PTH2R: variants seen among roughly 807,000 people sequenced by gnomAD.
PTH2R encodes parathyroid hormone 2 receptor, also known as PTH2 receptor.
A neutral mutation model predicts 60.3 loss-of-function variants in PTH2R; 59 were observed. The ratio of observed to expected loss-of-function variants is 0.98; its 90% CI spans 0.79 to 1.22. The LOEUF (loss-of-function observed/expected upper bound fraction) is 1.22, where lower values mean the gene tolerates loss of function less well. Among genes scored for constraint, PTH2R ranks in the 50% most tolerant of loss-of-function variants. The probability of loss-of-function intolerance (pLI) is 0.00; values close to 1 mark genes in which losing one functional copy is unlikely to be tolerated. For missense variants in PTH2R, 749 were observed against 682.6 expected, an observed-to-expected ratio of 1.10 and a Z score of -1.08; for synonymous variants, 256 against 243.8, an observed-to-expected ratio of 1.05 and a Z score of -0.47.
At chr2:208,388,718 T>C (rs1451135716) in intron 1 of PTH2R, among the ~76,000 whole-genome samples, 2 of 152,150 alleles carry the variant, frequency 1.3e-5, no homozygotes, top group African/African-American at 4.8e-5. Context: ...GGGAAATAAA[T>C]ACAACTTTAG....
chr2:208,477,658 ATT>A (rs1703036895), intron 9 of PTH2R, among the ~76,000 whole-genome samples: 1 of 152,016 alleles, frequency 6.6e-6, no homozygotes, highest in South Asian at 2.1e-4. Context: ...TATTTGCATT[ATT>A]TTAAAACCAT....
At chr2:208,418,318 A>G (rs1701683222) in intron 1 of PTH2R, among the ~76,000 whole-genome samples, 3 of 152,138 alleles carry the variant, frequency 2.0e-5, no homozygotes, top group African/African-American at 7.2e-5. Context: ...AGGAGCCTAT[A>G]TAAGTTGTGA....
chr2:208,476,386 C>G (rs1474221505), intron 9 of PTH2R, among the ~76,000 whole-genome samples: 1 of 152,128 alleles, frequency 6.6e-6, no homozygotes, highest in African/African-American at 2.4e-5. Flanking sequence ...CTTTTCTTTT[C>G]TAAGTCAGTT....
At chr2:208,410,612 ATG>A (rs1701520465) in intron 1 of PTH2R, among the ~76,000 whole-genome samples, 1 of 152,248 alleles carries the variant, frequency 6.6e-6, no homozygotes, top group South Asian at 2.1e-4. Flanking sequence ...AATGGCTTAA[ATG>A]TGCACAAATC....
chr2:208,472,877 G>A (rs1421570299), intron 9 of PTH2R, among the ~76,000 whole-genome samples: 1 of 119,702 alleles, frequency 8.4e-6, no homozygotes, highest in Non-Finnish European at 2.0e-5. Flanking sequence ...TCCCAGTTTG[G>A]GTTCAAGAAA....
At chr2:208,452,991 G>T (rs909008543) in intron 8 of PTH2R, among the ~76,000 whole-genome samples, 1 of 152,142 alleles carries the variant, frequency 6.6e-6, no homozygotes, top group East Asian at 1.9e-4. Flanking sequence ...GTTGAAGAGG[G>T]ATTCTTTCTA....
chr2:208,460,554 C>T (rs1315176514), intron 9 of PTH2R, among the ~76,000 whole-genome samples: 1 of 151,966 alleles, frequency 6.6e-6, no homozygotes, highest in African/African-American at 2.4e-5. Context: ...GGAGAAAGAC[C>T]ACAATGCATG....
upstream of PTH2R, chr2:208,406,772 C>A (rs112552177): frequency 2.1e-4 from 70 of 328,460 alleles, no homozygotes; most frequent in East Asian, 3.1e-3. Flanking sequence ...GCAGGCGGCG[C>A]GGGGCTGCGA....
chr2:208,435,005 G>A (rs145197658), intron 2 of PTH2R, among the ~76,000 whole-genome samples: 1,671 of 152,254 alleles, frequency 0.011, 12 homozygotes, highest in South Asian at 0.023. Context: ...AAATGTTTTT[G>A]GAAAGACATT....
chr2:208,484,115 A>G (rs1333715804), intron 10 of PTH2R, among the ~76,000 whole-genome samples: 1 of 152,260 alleles, frequency 6.6e-6, no homozygotes, highest in African/African-American at 2.4e-5. Flanking sequence ...CTAAAATAAA[A>G]CAATACAAAA....
In PTH2R at chr2:208,407,082, G is replaced by A; in HGVS notation, c.39G>A (p.Trp13Ter). 1 of 1,396,996 alleles carries A rather than the reference G, an allele frequency of 7.2e-7. No individual in the cohort carries two copies. Among genetic ancestry groups the A allele is most frequent in the South Asian group, 1.8e-5 (1 of 54,120 alleles). 86.5% of individuals were successfully genotyped at this position (1,396,996 alleles called of 1,614,324 possible). The change falls in exon 1 of 13, where the codon TGG (tryptophan) becomes TGA (stop). Residue 13 changes from tryptophan (W) to a stop codon, truncating the protein, a stop_gained. Coordinates refer to ENST00000272847, the MANE Select transcript of PTH2R (RefSeq NM_005048.4). LOFTEE classifies it high-confidence loss of function. ...GGGCGTCGCTCCACGTCTGGGGTTG[G>A]CTAATGCTCGGCAGCTGCCTCCTGG... is the stretch of plus-strand genomic sequence containing the variant. ...GLGASLHVWG[W>*]LMLGSCLLAR...
chr2:208,368,512 GT>G (rs570067438), intron 1 of PTH2R, among the ~76,000 whole-genome samples: 11 of 147,566 alleles, frequency 7.5e-5, no homozygotes, highest in East Asian at 2.0e-4. Context: ...ACCCTTAACT[GT>G]TTTTTTTTTG....
intron 8 of PTH2R, among the ~76,000 whole-genome samples, chr2:208,454,095 T>TCAAAA (rs1254839877): frequency 6.6e-6 from 1 of 152,186 alleles, no homozygotes; most frequent in Non-Finnish European, 1.5e-5. Flanking sequence ...TCAAATGGAC[T>TCAAAA]TTGGCCAGAG....
intron 4 of PTH2R, among the ~76,000 whole-genome samples, chr2:208,441,900 A>G (rs529338438): frequency 6.6e-6 from 1 of 152,340 alleles, no homozygotes; most frequent in South Asian, 2.1e-4. Context: ...GGCTTTTCTT[A>G]CACTATTTTC....
At chr2:208,386,589 A>G (rs1241783784) in intron 1 of PTH2R, among the ~76,000 whole-genome samples, 1 of 152,228 alleles carries the variant, frequency 6.6e-6, no homozygotes, top group East Asian at 1.9e-4. Flanking sequence ...ACAAAATACT[A>G]TAGACTGTGT....
intron 1 of PTH2R, among the ~76,000 whole-genome samples, chr2:208,365,120 A>G (rs1700552602): frequency 6.6e-6 from 1 of 151,742 alleles, no homozygotes; most frequent in Admixed American, 6.6e-5. Context: ...ACAAACAGAA[A>G]TTTTTACTTC....
chr2:208,369,366 C>CTTTTTTTTTTTTTTTTTTTTT lies in PTH2R; in HGVS notation c.-259+9130_-259+9131insTTTTTTTTTTTTTTTTTTTTT, dbSNP rs34110985. On this transcript the variant is annotated intron_variant, in intron 1 of 12. Coordinates refer to the PTH2R transcript ENST00000617735. Reference sequence around the variant, plus strand: ...TTGTCTGTAAACAACACTGGTCTCTCTCTCTTTTTTTTTTTTTTTAGAAGG... The same window carrying CTTTTTTTTTTTTTTTTTTTTT: ...TTGTCTGTAAACAACACTGGTCTCTCTTTTTTTTTTTTTTTTTTTTTTCTCTTTTTTTTTTTTTTTAGAAGG... 1.5e-5 allele frequency among the ~76,000 whole-genome samples: 2 copies of CTTTTTTTTTTTTTTTTTTTTT among 135,074 alleles called. 1 individual carries two copies. The allele number at this position is 135,074 out of a possible 152,430, so 88.6% of individuals were successfully genotyped here.
chr2:208,421,051 A>G (rs763617065), intron 1 of PTH2R, among the ~76,000 whole-genome samples: 1 of 152,232 alleles, frequency 6.6e-6, no homozygotes, highest in Non-Finnish European at 1.5e-5. Flanking sequence ...GAGCTCTATA[A>G]ATATCTATAA....
At chr2:208,430,082 T>G (rs1297169042) in intron 2 of PTH2R, among the ~76,000 whole-genome samples, 3 of 152,200 alleles carry the variant, frequency 2.0e-5, no homozygotes, top group Non-Finnish European at 2.9e-5. Flanking sequence ...CGCCAACTAG[T>G]ATGGAAGATA....
Sources: gnomAD v4.1 joint callset for allele counts (sites outside exome capture counted in the v4.1 genomes callset) on GRCh38, gnomAD v4.1.1 for gene constraint, MANE v1.5 for transcripts, NCBI Gene and HGNC (gene_info 2026-07-23, HGNC 2026-07-21) for gene names.